KCND2: variants seen among roughly 807,000 people sequenced by gnomAD.
The protein encoded by KCND2 is A-type voltage-gated potassium channel KCND2.
In KCND2, 16 loss-of-function variants were observed where a neutral mutation model predicts 54.4. The ratio of observed to expected loss-of-function variants is 0.29; its 90% CI spans 0.20 to 0.45. KCND2 has a LOEUF of 0.45. KCND2 is among the 20% of genes least tolerant of loss of function. The pLI, the probability that KCND2 is intolerant of heterozygous loss-of-function variation, is 1.00. For missense variants in KCND2, 486 were observed against 824.2 expected (o/e 0.59, Z 5.02); for synonymous variants, 317 against 310.7 (o/e 1.02, Z -0.21).
intron 1 of KCND2, among the ~76,000 whole-genome samples, chr7:120,617,526 T>C (rs1359701894): frequency 6.6e-6 from 1 of 152,184 alleles, no homozygotes. Context: ...CAGGAATGCT[T>C]ATACACTGCT....
chr7:120,682,950 C>A (rs1792158400), intron 1 of KCND2, among the ~76,000 whole-genome samples: 1 of 152,120 alleles, frequency 6.6e-6, no homozygotes. Flanking sequence ...GTTCATAGAA[C>A]AACTTGCAAA....
In KCND2 at chr7:120,574,591, A is replaced by G. The variant is rs551057700; in HGVS notation, c.1116-158312A>G. Among the ~76,000 whole-genome samples, 11 of 152,230 alleles carry G rather than the reference A, an allele frequency of 7.2e-5. No homozygotes were observed. The South Asian group carries it at 1.0e-3, about 14-fold the overall frequency. On this transcript the variant is annotated intron_variant, in intron 1 of 5. Transcript: ENST00000331113. ...GGTTCTCAAACTTAGCTTCACTTCA[A>G]AATCATCTGGAGCATTAAAAAAAAA... is the stretch of plus-strand genomic sequence containing the variant.
chr7:120,578,280 C>T (rs1792465152), intron 1 of KCND2, among the ~76,000 whole-genome samples: 1 of 151,772 alleles, frequency 6.6e-6, no homozygotes, highest in African/African-American at 2.4e-5. Context: ...GTAGCAAGAC[C>T]CTGTTTCAAG....
chr7:120,574,962 G>A (rs1792410171), intron 1 of KCND2, among the ~76,000 whole-genome samples: 1 of 151,694 alleles, frequency 6.6e-6, no homozygotes, highest in Non-Finnish European at 1.5e-5. Flanking sequence ...GATCCTTAAT[G>A]TGAGGACAAT....
At chr7:120,657,525 A>C (rs1791817538) in intron 1 of KCND2, among the ~76,000 whole-genome samples, 1 of 152,126 alleles carries the variant, frequency 6.6e-6, no homozygotes, top group Non-Finnish European at 1.5e-5. Context: ...GCTAGTGTGA[A>C]ATAGCCTTAT....
At chr7:120,343,862 T>C (rs890348961) in intron 1 of KCND2, among the ~76,000 whole-genome samples, 1 of 152,206 alleles carries the variant, frequency 6.6e-6, no homozygotes, top group Non-Finnish European at 1.5e-5. Flanking sequence ...CATATGCATG[T>C]GCACTTGCAA....
intron 1 of KCND2, among the ~76,000 whole-genome samples, chr7:120,441,384 T>C (rs1272011124): frequency 6.6e-6 from 1 of 152,108 alleles, no homozygotes; most frequent in Non-Finnish European, 1.5e-5. Context: ...CCTTTATTTG[T>C]GGCAGCAACA....
At chr7:120,360,496 C>A (rs1169998146) in intron 1 of KCND2, among the ~76,000 whole-genome samples, 1 of 152,062 alleles carries the variant, frequency 6.6e-6, no homozygotes, top group Non-Finnish European at 1.5e-5. Flanking sequence ...ATTTTAAAAA[C>A]TGCCAAATTT....
intron 1 of KCND2, among the ~76,000 whole-genome samples, chr7:120,390,139 C>G (rs1029716345): frequency 6.6e-6 from 1 of 151,566 alleles, no homozygotes; most frequent in Non-Finnish European, 1.5e-5. Flanking sequence ...GTCCTAGCTA[C>G]TAATGGAAAC....
At chr7:120,453,499 C>G (rs749731650) in intron 1 of KCND2, among the ~76,000 whole-genome samples, 1 of 152,130 alleles carries the variant, frequency 6.6e-6, no homozygotes, top group African/African-American at 2.4e-5. Flanking sequence ...GCCACCATTG[C>G]GAATGTGCAT....
intron 1 of KCND2, among the ~76,000 whole-genome samples, chr7:120,484,913 T>C (rs1802671852): frequency 6.6e-6 from 1 of 152,170 alleles, no homozygotes; most frequent in African/African-American, 2.4e-5. Flanking sequence ...AGGGTCTTGC[T>C]TTATTGCCCA....
At chr7:120,699,281 C>T (rs1475271592) in intron 1 of KCND2, among the ~76,000 whole-genome samples, 2 of 138,480 alleles carry the variant, frequency 1.4e-5, no homozygotes, top group Non-Finnish European at 3.2e-5. Flanking sequence ...GACTCCATCT[C>T]AAAAAAAAAA....
rs1239274270 is a variant in KCND2 at position 120,742,374 on chromosome 7, A to C, written c.1375-136A>C. ...TCATCCAACTTAACAGGAACTGCACATTTGTTCCTTTCTAGTTAGAAAAAA... is the reference window on the plus strand; with the variant it reads ...TCATCCAACTTAACAGGAACTGCACCTTTGTTCCTTTCTAGTTAGAAAAAA... On this transcript the variant is annotated intron_variant, in intron 3 of 5. Coordinates refer to ENST00000331113, the MANE Select transcript of KCND2 (RefSeq NM_012281.3). 319 of 757,708 alleles carry C rather than the reference A, an allele frequency of 4.2e-4. 2 individuals carry two copies. The highest frequency in any genetic ancestry group is 1.2e-5 in the Non-Finnish European group (5 of 421,186). 46.9% of individuals were successfully genotyped at this position (757,708 alleles called of 1,614,324 possible).
intron 1 of KCND2, among the ~76,000 whole-genome samples, chr7:120,433,570 C>T (rs1801824103): frequency 6.6e-6 from 1 of 152,060 alleles, no homozygotes; most frequent in Non-Finnish European, 1.5e-5. Context: ...AGACTGTTAC[C>T]CCTTGGTGTA....
intron 1 of KCND2, among the ~76,000 whole-genome samples, chr7:120,367,471 ATC>A (rs1483459441): frequency 6.6e-6 from 1 of 152,008 alleles, no homozygotes; most frequent in Non-Finnish European, 1.5e-5. Flanking sequence ...TTATTACAAT[ATC>A]TCATCACTAG....
intron 1 of KCND2, among the ~76,000 whole-genome samples, chr7:120,707,727 A>G (rs1351597886): frequency 3.3e-5 from 5 of 152,030 alleles, no homozygotes; most frequent in African/African-American, 1.2e-4. Context: ...CTGTTGAGGG[A>G]TGACAAGCAA....
chr7:120,523,720 G>GAC (rs1198568855), intron 1 of KCND2, among the ~76,000 whole-genome samples: 7 of 137,618 alleles, frequency 5.1e-5, no homozygotes, highest in African/African-American at 1.8e-4. Context: ...GTGTGTGTGT[G>GAC]TGTGTGTGTG....
intron 1 of KCND2, among the ~76,000 whole-genome samples, chr7:120,595,460 A>AT (rs1554373350): frequency 1.2e-4 from 13 of 112,954 alleles, no homozygotes; most frequent in South Asian, 6.7e-4. Flanking sequence ...CCAAAAAAAA[A>AT]ATATATATAT....
intron 1 of KCND2, among the ~76,000 whole-genome samples, chr7:120,420,000 A>C (rs1801588316): frequency 7.6e-6 from 1 of 132,194 alleles, no homozygotes; most frequent in African/African-American, 2.9e-5. Flanking sequence ...TTTATTCTAC[A>C]AAAAAAAAAA....
Sources: gnomAD v4.1 joint callset for allele counts (sites outside exome capture counted in the v4.1 genomes callset) on GRCh38, gnomAD v4.1.1 for gene constraint, MANE v1.5 for transcripts, NCBI Gene and HGNC (gene_info 2026-07-23, HGNC 2026-07-21) for gene names.